The following TATDN3 variants were observed in gnomAD, a reference collection of about 807,000 sequenced individuals.
TATDN3 encodes the protein deoxyribonuclease TATDN3.
Under a neutral mutation model 40.1 loss-of-function variants are expected in TATDN3, and 29 were observed. The ratio of observed to expected loss-of-function variants is 0.72; its 90% confidence interval spans 0.54 to 0.99. TATDN3 has a LOEUF of 0.99. TATDN3 is among the 50% of genes least tolerant of loss of function. The probability of loss-of-function intolerance (pLI) is 0.00; values close to 1 mark genes in which losing one functional copy is unlikely to be tolerated. For synonymous variants in TATDN3, 105 were observed against 117.0 expected (o/e 0.90, Z 0.66); for missense variants, 309 against 321.9 (o/e 0.96, Z 0.31).
chr1:212,794,920 T>TA (rs1225006650), intron 1 of TATDN3, 175 bp from the exon 2 acceptor site: 1 of 654,318 alleles, frequency 1.5e-6, no homozygotes, highest in Non-Finnish European at 2.8e-6. Flanking sequence ...TAGCCAGACT[T>TA]TACTGATAGT....
At chr1:212,804,751 G>A in intron 7 of TATDN3, 100 bp downstream of exon 7, 1 of 1,046,020 alleles carries the variant, frequency 9.6e-7, no homozygotes, top group South Asian at 1.5e-5. Context: ...ATTTCTTGAA[G>A]GGCAGGGGCA....
intron 7 of TATDN3, 99 bp from the exon 8 acceptor site, chr1:212,807,637 C>T: frequency 1.2e-6 from 1 of 812,498 alleles, no homozygotes; most frequent in Non-Finnish European, 2.0e-6. Flanking sequence ...TTGTTTATAT[C>T]CTAGTGACCA....
At position 212,816,069 on chromosome 1, in the gene TATDN3, C is replaced by G. The variant is rs1663168215; in HGVS notation, c.*913C>G. Reference sequence around the variant, plus strand: ...ACCAAGCCCAAAAGTTTAGTTAATACACCAATTGTAAGTTCTGGTCTGAAT... The same window carrying G: ...ACCAAGCCCAAAAGTTTAGTTAATAGACCAATTGTAAGTTCTGGTCTGAAT... On this transcript the variant is annotated 3_prime_UTR_variant, in exon 10 of 10. Transcript: ENST00000366974. The G allele has an allele frequency of 6.6e-6, 1 of 152,118 alleles. No homozygotes were observed. Among genetic ancestry groups the G allele is most frequent in the South Asian group, 2.1e-4 (1 of 4,832 alleles). The allele number at this position is 152,118 out of a possible 1,614,324, so 9.4% of individuals were successfully genotyped here.
At chr1:212,801,868 C>T (rs1662197841) in intron 4 of TATDN3, among the ~76,000 whole-genome samples, 1 of 152,148 alleles carries the variant, frequency 6.6e-6, no homozygotes, top group Non-Finnish European at 1.5e-5. Flanking sequence ...AACTTACCCT[C>T]CTTCATCTTT....
chr1:212,812,150 G>T (rs571132670), intron 8 of TATDN3, 98 bp from the exon 9 acceptor site: 172 of 774,196 alleles, frequency 2.2e-4, no homozygotes, highest in Non-Finnish European at 3.3e-4. Context: ...TAAATTTTAA[G>T]TTATTGCAGA....
At position 212,815,929 on chromosome 1, in the gene TATDN3, T is replaced by C. The variant is rs1663161121; in HGVS notation, c.*773T>C. 2 of 152,210 alleles carry C rather than the reference T, an allele frequency of 1.3e-5. No individual in the cohort carries two copies. Among genetic ancestry groups the C allele is most frequent in the Admixed American group, 1.3e-4 (2 of 15,270 alleles). 9.4% of individuals were successfully genotyped at this position (152,210 alleles called of 1,614,324 possible). ...AAATCTCTTTTCTAGGTTTGTAAAA[T>C]TGAACTTTTAGTACTTCGAATTATT... On this transcript the variant is annotated 3_prime_UTR_variant, in exon 10 of 10. Transcript: ENST00000366974.
chr1:212,812,144 T>G, intron 8 of TATDN3, 104 bp from the exon 9 acceptor site: 2 of 741,366 alleles, frequency 2.7e-6, no homozygotes, highest in Non-Finnish European at 4.3e-6. Flanking sequence ...AAAGCATAAA[T>G]TTTAAGTTAT....
At chr1:212,804,506 C>T in intron 6 of TATDN3, 77 bp downstream of exon 6, 11 of 1,547,268 alleles carry the variant, frequency 7.1e-6, no homozygotes, top group South Asian at 3.4e-5. Flanking sequence ...AAATGGAACT[C>T]TACATTTATT....
intron 4 of TATDN3, 48 bp from the exon 5 acceptor site, chr1:212,802,653 T>C: frequency 7.9e-7 from 1 of 1,268,804 alleles, no homozygotes; most frequent in Admixed American, 1.7e-5. Context: ...GCTTGTGAAA[T>C]AGCAGTTCCT....
intron 7 of TATDN3, among the ~76,000 whole-genome samples, chr1:212,806,840 A>ATG (rs1662550698): frequency 2.1e-5 from 2 of 95,052 alleles, no homozygotes; most frequent in African/African-American, 5.2e-5. Flanking sequence ...ATATATACAT[A>ATG]TATACACATA....
chr1:212,795,082 A>T lies in TATDN3; in HGVS notation c.67-13A>T, dbSNP rs373063777. On this transcript the variant is annotated splice_polypyrimidine_tract_variant and intron_variant, in intron 1 of 9. Transcript: ENST00000366974. ...TCATCTAAAATAATGGTGATTTCTT[A>T]TGCTTGTTTTAGGATTTGGATGATG... 2.8e-4 allele frequency: 447 copies of T among 1,608,308 alleles called. No homozygotes were observed. The highest frequency in any genetic ancestry group is 3.7e-4 in the Non-Finnish European group (439 of 1,175,238).
chr1:212,796,411 G>A (rs886828542), intron 2 of TATDN3, 106 bp from the exon 3 acceptor site: 2 of 818,370 alleles, frequency 2.4e-6, no homozygotes, highest in Non-Finnish European at 3.6e-6. Flanking sequence ...TATTGATGAA[G>A]CATGGCTGAA....
chr1:212,816,249 TG>T lies in TATDN3; in HGVS notation c.*1096del, dbSNP rs1341253991. 3 of 152,208 alleles carry T rather than the reference TG, an allele frequency of 2.0e-5. No homozygotes were observed. The highest frequency in any genetic ancestry group is 4.4e-5 in the Non-Finnish European group (3 of 68,040). The allele number at this position is 152,208 out of a possible 1,614,324, so 9.4% of individuals were successfully genotyped here. A position where few individuals can be genotyped will look rare whatever the true frequency, so the allele number is the denominator to read the frequency against. On this transcript the variant is annotated 3_prime_UTR_variant, in exon 10 of 10. Coordinates refer to ENST00000366974, the MANE Select transcript of TATDN3 (RefSeq NM_001042552.3). Reference sequence around the variant, plus strand: ...GTGCCAACCACTCAGGAGGCTGAGATGGGAGACCTTTTAAGCCTGAGTTTGA... The same window carrying T: ...GTGCCAACCACTCAGGAGGCTGAGATGGAGACCTTTTAAGCCTGAGTTTGA...
intron 4 of TATDN3, among the ~76,000 whole-genome samples, chr1:212,797,934 A>C (rs567490662): frequency 2.6e-5 from 4 of 152,190 alleles, no homozygotes; most frequent in Non-Finnish European, 5.9e-5. Context: ...CCACAGTTTC[A>C]TGAGTGTTTT....
intron 3 of TATDN3, 200 bp from the exon 4 acceptor site, chr1:212,796,912 T>C: frequency 1.9e-6 from 1 of 513,628 alleles, no homozygotes; most frequent in Admixed American, 3.5e-5. Context: ...ATTTTTATAT[T>C]TTTTGTAGAT....
intron 7 of TATDN3, among the ~76,000 whole-genome samples, chr1:212,807,442 G>A (rs991933990): frequency 1.3e-5 from 2 of 151,852 alleles, no homozygotes; most frequent in Admixed American, 6.6e-5. Flanking sequence ...TTGTAGAGAC[G>A]GGGTTTCACC....
At chr1:212,796,732 C>G in intron 3 of TATDN3, 142 bp downstream of exon 3, 1 of 570,566 alleles carries the variant, frequency 1.8e-6, no homozygotes, top group Non-Finnish European at 2.9e-6. Context: ...TTATTTTCTA[C>G]TTATTCCTTT....
chr1:212,806,781 T>TAC lies in TATDN3; in HGVS notation c.488-954_488-953insCA, dbSNP rs1180617292. 8.6e-4 allele frequency among the ~76,000 whole-genome samples: 81 copies of TAC among 94,440 alleles called. 8 individuals are homozygous for TAC. Among genetic ancestry groups the TAC allele is most frequent in the African/African-American group, 3.0e-3 (70 of 23,506 alleles). 62.0% of individuals were successfully genotyped at this position (94,440 alleles called of 152,430 possible). A position where few individuals can be genotyped will look rare whatever the true frequency, so the allele number is the denominator to read the frequency against. Reference sequence around the variant, plus strand: ...ATATATATATATATATATATATATATATACACACACACACACACATATATA... The same window carrying TAC: ...ATATATATATATATATATATATATATACATACACACACACACACACATATATA... On this transcript the variant is annotated intron_variant, in intron 7 of 9. Coordinates refer to ENST00000366974, the MANE Select transcript of TATDN3 (RefSeq NM_001042552.3).
chr1:212,806,783 T>TACAC lies in TATDN3; in HGVS notation c.488-939_488-936dup, dbSNP rs1553257532. Among the ~76,000 whole-genome samples, 50 of 79,514 alleles carry TACAC rather than the reference T, an allele frequency of 6.3e-4. 9 individuals are homozygous for TACAC. Among genetic ancestry groups the TACAC allele is most frequent in the Admixed American group, 4.4e-3 (24 of 5,442 alleles). The allele number at this position is 79,514 out of a possible 152,430, so 52.2% of individuals were successfully genotyped here. A position where few individuals can be genotyped will look rare whatever the true frequency, so the allele number is the denominator to read the frequency against. On this transcript the variant is annotated intron_variant, in intron 7 of 9. Coordinates refer to ENST00000366974, the MANE Select transcript of TATDN3 (RefSeq NM_001042552.3). ...ATATATATATATATATATATATATA[T>TACAC]ACACACACACACACACATATATACA...
Sources: gnomAD v4.1 joint callset for allele counts (sites outside exome capture counted in the v4.1 genomes callset) on GRCh38, gnomAD v4.1.1 for gene constraint, MANE v1.5 for transcripts, NCBI Gene and HGNC (gene_info 2026-07-23, HGNC 2026-07-21) for gene names.